CEP290: variants seen among roughly 807,000 people sequenced by gnomAD.
The protein encoded by CEP290 is centrosomal protein 290.
Under a neutral mutation model 344.9 loss-of-function variants are expected in CEP290, and 317 were observed. The ratio of observed to expected loss-of-function variants is 0.92; its 90% CI spans 0.84 to 1.01. CEP290 has a LOEUF of 1.01. CEP290 is among the 50% of genes least tolerant of loss of function. The pLI is 0.00. For missense variants in CEP290, 2,754 were observed against 2,761.4 expected, an observed-to-expected ratio of 1.00 and a Z score of 0.06; for synonymous variants, 932 against 895.8, an observed-to-expected ratio of 1.04 and a Z score of -0.72.
Position 88,086,520 on chromosome 12 carries a change from T to G in CEP290, c.4195-22A>C, listed in dbSNP as rs374880567. 9 of 1,536,468 alleles carry G rather than the reference T, an allele frequency of 5.9e-6. No homozygotes were observed. In the South Asian group the frequency reaches 1.1e-4, roughly 18 times the overall value. ...GAAACTAAAAAAAGGACAATTTGTGTCAGACACATACACGAAGACATCAGG... is the reference window on the plus strand; with the variant it reads ...GAAACTAAAAAAAGGACAATTTGTGGCAGACACATACACGAAGACATCAGG... On this transcript the variant is annotated intron_variant, in intron 32 of 53. Transcript: ENST00000552810.
chr12:88,056,063 G>C (rs969051471), intron 49 of CEP290, among the ~76,000 whole-genome samples: 1 of 151,922 alleles, frequency 6.6e-6, no homozygotes, highest in Non-Finnish European at 1.5e-5. Flanking sequence ...GATATTCTTA[G>C]AAATATAAAG....
At chr12:88,061,751 G>C (rs907285944) in intron 46 of CEP290, among the ~76,000 whole-genome samples, 6 of 151,376 alleles carry the variant, frequency 4.0e-5, no homozygotes, top group Non-Finnish European at 7.4e-5. Context: ...GTTGCTGCCA[G>C]CAAGATACTG....
At chr12:88,054,531 G>A (rs1202782450) in intron 50 of CEP290, 118 bp from the exon 51 acceptor site, 6 of 728,820 alleles carry the variant, frequency 8.2e-6, no homozygotes, top group Admixed American at 2.7e-5. Flanking sequence ...AGCACGCATA[G>A]GCAAATTTCT....
chr12:88,083,089 C>T lies in CEP290; in HGVS notation c.4954G>A (p.Glu1652Lys). 6.5e-7 allele frequency: 1 copy of T among 1,533,020 alleles called. No homozygotes were observed. Among genetic ancestry groups the T allele is most frequent in the East Asian group, 2.5e-5 (1 of 40,434 alleles). 95.0% of individuals were successfully genotyped at this position (1,533,020 alleles called of 1,614,324 possible). ...VKLKKVSQDL[E>K]RQREITELKV... is the part of the protein sequence containing the mutation. Reference sequence around the variant, plus strand: ...AATTCAGTGATTTCTCTTTGTCTCTCCAAATCTTGTGATACTTTCTTTAGT... The same window carrying T: ...AATTCAGTGATTTCTCTTTGTCTCTTCAAATCTTGTGATACTTTCTTTAGT... Residue 1652 changes from glutamate (E) to lysine (K), a missense_variant, in exon 37 of 54, where the codon GAG becomes AAG. Coordinates refer to ENST00000552810, the MANE Select transcript of CEP290 (RefSeq NM_025114.4).
chr12:88,115,655 T>C, intron 18 of CEP290: 1 of 1,009,286 alleles, frequency 9.9e-7, no homozygotes, highest in Non-Finnish European at 1.3e-6. Flanking sequence ...ACAATGTGTA[T>C]AACTGATGTT....
chr12:88,104,645 C>T (rs983221349), intron 25 of CEP290, among the ~76,000 whole-genome samples: 24 of 151,420 alleles, frequency 1.6e-4, no homozygotes, highest in African/African-American at 5.8e-4. Context: ...ATAACATAAC[C>T]GCATGAAGAC....
rs1164443581 is a variant in CEP290 at position 88,106,874 on chromosome 12, T to A, written c.2618A>T (p.Asp873Val). Reference protein sequence around the residue: ...NLLNALQMDSDEMKKILAENS... With the variant: ...NLLNALQMDSVEMKKILAENS... ...TTCTGCAAGTATTTTTTTCATTTCA[T>A]CCGAATCCATCTGAAGAGCATTGAG... is the stretch of plus-strand genomic sequence containing the variant. The change falls in exon 25 of 54, where the codon GAT becomes GTT. Residue 873 changes from aspartate (D) to valine (V), a missense_variant. By Grantham distance (152) the Asp-to-Val change is radical. Coordinates refer to ENST00000552810, the MANE Select transcript of CEP290 (RefSeq NM_025114.4). 6.2e-7 allele frequency: 1 copy of A among 1,606,690 alleles called. No homozygotes were observed.
chr12:88,061,897 A>G (rs2034512299), intron 46 of CEP290, among the ~76,000 whole-genome samples: 1 of 151,834 alleles, frequency 6.6e-6, no homozygotes, highest in Non-Finnish European at 1.5e-5. Flanking sequence ...TCCTGCCTCA[A>G]CCTCCTGAGT....
At chr12:88,109,750 T>C (rs1354422228) in intron 22 of CEP290, among the ~76,000 whole-genome samples, 1 of 152,114 alleles carries the variant, frequency 6.6e-6, no homozygotes, top group Non-Finnish European at 1.5e-5. Context: ...TAAGTACCTG[T>C]TTTGCCACTT....
chr12:88,072,504 CAAAT>C (rs1352050785), intron 41 of CEP290, among the ~76,000 whole-genome samples: 1 of 152,116 alleles, frequency 6.6e-6, no homozygotes, highest in Admixed American at 6.6e-5. Context: ...TATCACAAGA[CAAAT>C]AAAATTCTGG....
chr12:88,068,339 T>G (rs1461615035), intron 44 of CEP290, among the ~76,000 whole-genome samples, 183 bp downstream of exon 44: 1 of 152,068 alleles, frequency 6.6e-6, no homozygotes, highest in Non-Finnish European at 1.5e-5. Flanking sequence ...ACTGTTATTA[T>G]GTTAAAAAGG....
intron 25 of CEP290, among the ~76,000 whole-genome samples, chr12:88,106,164 C>G (rs148638554): frequency 6.6e-6 from 1 of 152,074 alleles, no homozygotes; most frequent in Admixed American, 6.5e-5. Flanking sequence ...AGTATTCTTG[C>G]CAAAAATGTT....
At chr12:88,057,031 T>C (rs1415175156) in intron 49 of CEP290, among the ~76,000 whole-genome samples, 1 of 152,196 alleles carries the variant, frequency 6.6e-6, no homozygotes, top group Non-Finnish European at 1.5e-5. Context: ...GTATGCTCAG[T>C]GACCTGTATC....
rs552585004 is a variant in CEP290, at chr12:88,093,899, A to C, written c.3180T>G (p.Thr1060=). 6 of 1,612,716 alleles carry C rather than the reference A, an allele frequency of 3.7e-6. No homozygotes were observed. The highest frequency in any genetic ancestry group is 3.3e-5 in the South Asian group (3 of 90,966). The stretch of plus-strand genomic sequence containing the variant: ...CATTTAATTCCTTCATTTCCAGCAT[A>C]GTTATTTTTTTTGAAATGGAAACAA... ...SDIVSISKKI[T]MLEMKELNER... is the part of the protein sequence containing the mutation. The change falls in exon 28 of 54, where the codon ACT becomes ACG. Residue 1060 remains threonine, a synonymous_variant. Coordinates refer to ENST00000552810, the MANE Select transcript of CEP290 (RefSeq NM_025114.4).
At chr12:88,053,116 T>A (rs985870978) in intron 52 of CEP290, among the ~76,000 whole-genome samples, 14 of 152,164 alleles carry the variant, frequency 9.2e-5, no homozygotes, top group Non-Finnish European at 1.5e-5. Flanking sequence ...ATGTACATTG[T>A]ACATATGAAC....
At chr12:88,070,806 A>T (rs565492040) in intron 43 of CEP290, among the ~76,000 whole-genome samples, 3 of 152,086 alleles carry the variant, frequency 2.0e-5, no homozygotes, top group Admixed American at 6.6e-5. Context: ...GGACCCTATA[A>T]AGTTGTTTAT....
At position 88,062,859 on chromosome 12, in the gene CEP290, C is replaced by T; in HGVS notation, c.6271-81G>A. On this transcript the variant is annotated intron_variant, in intron 45 of 53. Coordinates refer to ENST00000552810, the MANE Select transcript of CEP290 (RefSeq NM_025114.4). ...GAAAAGGCAAACAATTCATAAGAACCATCAATCTCTTCAACTGTATTGCCA... is the reference window on the plus strand; with the variant it reads ...GAAAAGGCAAACAATTCATAAGAACTATCAATCTCTTCAACTGTATTGCCA... 7.0e-6 allele frequency: 6 copies of T among 857,558 alleles called. No homozygotes were observed. The South Asian group carries it at 7.8e-5, about 11-fold the overall frequency. 53.1% of individuals were successfully genotyped at this position (857,558 alleles called of 1,614,324 possible). A position where few individuals can be genotyped will look rare whatever the true frequency, so the allele number is the denominator to read the frequency against.
In CEP290 at chr12:88,084,642, T is replaced by A; in HGVS notation, c.4648A>T (p.Asn1550Tyr). ...TTCTTTAATACTTCTTCTTTTTGAT[T>A]TAACCTTGCTTGCATGTTTGCAATG... Reference protein sequence around the residue: ...QTIANMQARLNQKEEVLKKYQ... With the variant: ...QTIANMQARLYQKEEVLKKYQ... The change falls in exon 35 of 54, where the codon AAT (asparagine) becomes TAT (tyrosine). Residue 1550 changes from asparagine to tyrosine, a missense_variant. Physicochemically the swap from Asn to Tyr is moderately radical, Grantham distance 143. Coordinates refer to ENST00000552810, the MANE Select transcript of CEP290 (RefSeq NM_025114.4). The A allele has an allele frequency of 6.2e-7, 1 of 1,613,510 alleles. No individual in the cohort carries two copies. The highest frequency in any genetic ancestry group is 8.5e-7 in the Non-Finnish European group (1 of 1,179,528).
rs1016327152 is a variant in CEP290, at chr12:88,094,674, G to A, written c.3104-699C>T. Among the ~76,000 whole-genome samples, 3 of 3,992 alleles carry A rather than the reference G, an allele frequency of 7.5e-4. No individual in the cohort carries two copies. In the Non-Finnish European group the frequency reaches 0.013, roughly 17 times the overall value. The allele number at this position is 3,992 out of a possible 152,430, so 2.6% of individuals were successfully genotyped here. On this transcript the variant is annotated intron_variant, in intron 27 of 53. Transcript: ENST00000552810. ...GGAGTGTCATTAGTCATTTTTTGAG[G>A]GGGGGGGAAGAAAACATACTTTTGC...
Sources: gnomAD v4.1 joint callset for allele counts (sites outside exome capture counted in the v4.1 genomes callset) on GRCh38, gnomAD v4.1.1 for gene constraint, MANE v1.5 for transcripts, NCBI Gene and HGNC (gene_info 2026-07-23, HGNC 2026-07-21) for gene names.